ZFHX3: variants seen among roughly 807,000 people sequenced by gnomAD.
ZFHX3 encodes the protein zinc finger homeobox 3.
A neutral mutation model predicts 279.1 loss-of-function variants in ZFHX3; 42 were observed. The ratio of observed to expected loss-of-function variants is 0.15; its 90% confidence interval spans 0.12 to 0.19. The LOEUF (loss-of-function observed/expected upper bound fraction) is 0.19, where lower values mean the gene tolerates loss of function less well. Among genes scored for constraint, ZFHX3 ranks in the 10% least tolerant of loss-of-function variants. The pLI, the probability that ZFHX3 is intolerant of heterozygous loss-of-function variation, is 1.00. For missense variants in ZFHX3, 4,981 were observed against 4,754.0 expected (o/e 1.05, Z -1.40); for synonymous variants, 2,293 against 1,957.8 (o/e 1.17, Z -4.52).
Position 73,778,355 on chromosome 16 carries a change from C to T in ZFHX3, c.-1607-98115G>A, listed in dbSNP as rs2639322. Among the ~76,000 whole-genome samples the T allele has an allele frequency of 9.9e-3, 1,492 of 150,022 alleles. 27 individuals carry two copies. The highest frequency in any genetic ancestry group is 0.034 in the African/African-American group (1,378 of 40,818). On this transcript the variant is annotated intron_variant, in intron 1 of 17. Coordinates refer to the ZFHX3 transcript ENST00000641206. ...ATTTATTCATTTGATCACCAAGTGA[C>T]AAGTTAGAAAATTGCTCTGTGAGAT...
At chr16:73,528,065 T>C (rs912035790) in intron 2 of ZFHX3, among the ~76,000 whole-genome samples, 8 of 152,244 alleles carry the variant, frequency 5.3e-5, no homozygotes, top group African/African-American at 1.4e-4. Flanking sequence ...TGCAGAACAA[T>C]TCAACTGCTC....
intron 4 of ZFHX3, among the ~76,000 whole-genome samples, chr16:72,860,555 C>T (rs935557610): frequency 6.6e-6 from 1 of 152,104 alleles, no homozygotes; most frequent in Non-Finnish European, 1.5e-5. Context: ...CTCAGCCTCC[C>T]GAGGAGCTGG....
intron 7 of ZFHX3, among the ~76,000 whole-genome samples, chr16:72,800,367 A>C (rs916473902): frequency 2.6e-5 from 4 of 152,192 alleles, no homozygotes; most frequent in Admixed American, 1.3e-4. Context: ...TAATCTTCTT[A>C]TTAATATTTT....
Position 72,795,574 on chromosome 16 carries a change from C to A in ZFHX3, c.7108G>T (p.Asp2370Tyr). ...QDDSQNEDSM[D>Y]AMEILTPTSS... ...GTAGGCGTCAGGATTTCCATGGCAT[C>A]CATGGAATCCTCATTTTGGCTGTCG... The change falls in exon 9 of 10, where the codon GAT becomes TAT. Residue 2370 changes from aspartate (D) to tyrosine (Y), a missense_variant. By Grantham distance (160) the Asp-to-Tyr change is radical. Around this residue, in one of 7 missense-constraint regions of ZFHX3, gnomAD observed 744 missense variants for 701.3 expected, o/e 1.06. Coordinates refer to ENST00000268489, the MANE Select transcript of ZFHX3 (RefSeq NM_006885.4). 6.2e-7 allele frequency: 1 copy of A among 1,614,044 alleles called. No individual in the cohort carries two copies. The highest frequency in any genetic ancestry group is 8.5e-7 in the Non-Finnish European group (1 of 1,180,026).
chr16:73,846,643 A>C (rs1961455454), intron 1 of ZFHX3, among the ~76,000 whole-genome samples: 1 of 152,182 alleles, frequency 6.6e-6, no homozygotes, highest in Non-Finnish European at 1.5e-5. Context: ...AGTAAGCCAA[A>C]TGTCTCGGCG....
chr16:73,076,265 T>C (rs142767267), intron 8 of ZFHX3, among the ~76,000 whole-genome samples: 2 of 152,286 alleles, frequency 1.3e-5, no homozygotes, highest in East Asian at 3.9e-4. Context: ...TGTAAAAGTA[T>C]TGCATGAACT....
At chr16:73,605,710 A>T (rs1012943459) in intron 2 of ZFHX3, among the ~76,000 whole-genome samples, 3 of 152,128 alleles carry the variant, frequency 2.0e-5, no homozygotes, top group Admixed American at 2.0e-4. Flanking sequence ...GGCTGGAGAG[A>T]AAGAATGATG....
At chr16:73,316,557 C>A (rs753292480) in intron 4 of ZFHX3, among the ~76,000 whole-genome samples, 7 of 152,206 alleles carry the variant, frequency 4.6e-5, no homozygotes, top group Non-Finnish European at 8.8e-5. Context: ...TCTTTTCCAA[C>A]GGTTTCATGT....
intron 2 of ZFHX3, among the ~76,000 whole-genome samples, chr16:73,573,699 T>C (rs2051765750): frequency 6.6e-6 from 1 of 152,256 alleles, no homozygotes; most frequent in Non-Finnish European, 1.5e-5. Context: ...TATATAACTA[T>C]GATATTTTTA....
Position 72,925,388 on chromosome 16 carries a change from G to C in ZFHX3, c.3216+25081C>G, listed in dbSNP as rs1266574033. On this transcript the variant is annotated intron_variant, in intron 3 of 9. Coordinates refer to ENST00000268489, the MANE Select transcript of ZFHX3 (RefSeq NM_006885.4). ...CAAAGTTCAACACAAAGAACCTTGA[G>C]GTCCCTAACTCTGGAAAGGGCAAGA... Among the ~76,000 whole-genome samples, 3 of 152,324 alleles carry C rather than the reference G, an allele frequency of 2.0e-5. No individual in the cohort carries two copies. In the East Asian group the frequency reaches 5.8e-4, roughly 29 times the overall value.
intron 2 of ZFHX3, among the ~76,000 whole-genome samples, chr16:73,458,808 C>T (rs937625568): frequency 2.6e-5 from 4 of 152,138 alleles, no homozygotes; most frequent in African/African-American, 9.7e-5. Context: ...AACTCTTTTC[C>T]CTGTTTTAAA....
chr16:72,799,889 A>G lies in ZFHX3; in HGVS notation c.3967+138T>C, dbSNP rs181777917. The G allele has an allele frequency of 2.8e-4, 207 of 729,936 alleles. 3 individuals are homozygous for G. The Admixed American group carries it at 4.3e-3, about 15-fold the overall frequency. 45.2% of individuals were successfully genotyped at this position (729,936 alleles called of 1,614,324 possible). A position where few individuals can be genotyped will look rare whatever the true frequency, so the allele number is the denominator to read the frequency against. ...CAAGAAGCAGAGTATAAAGTAGCTG[A>G]TGACAGTGCCCCTCATCTCCTGATC... On this transcript the variant is annotated intron_variant, in intron 8 of 9. Transcript: ENST00000268489.
intron 2 of ZFHX3, among the ~76,000 whole-genome samples, chr16:73,509,581 G>A (rs183433217): frequency 6.9e-6 from 1 of 144,370 alleles, no homozygotes; most frequent in Non-Finnish European, 1.5e-5. Context: ...CTGGAGTGCA[G>A]TGGCACAATC....
Position 73,294,951 on chromosome 16 carries a change from C to T in ZFHX3, c.-1194+23289G>A, listed in dbSNP as rs546764147. 3.9e-5 allele frequency among the ~76,000 whole-genome samples: 6 copies of T among 152,200 alleles called. No homozygotes were observed. The East Asian group carries it at 7.8e-4, about 20-fold the overall frequency. On this transcript the variant is annotated intron_variant, in intron 4 of 17. Transcript: ENST00000641206. Reference sequence around the variant, plus strand: ...AGCCACGGCTGGGCGCGGTGACTCACGCCTGTAATCCCAGCACTTTCGGAG... The same window carrying T: ...AGCCACGGCTGGGCGCGGTGACTCATGCCTGTAATCCCAGCACTTTCGGAG...
At chr16:72,866,295 A>G (rs2038021995) in intron 4 of ZFHX3, among the ~76,000 whole-genome samples, 2 of 152,246 alleles carry the variant, frequency 1.3e-5, no homozygotes, top group South Asian at 4.1e-4. Context: ...CACTTTATGT[A>G]CATTCCCTCA....
intron 2 of ZFHX3, among the ~76,000 whole-genome samples, chr16:73,472,650 T>G (rs773957023): frequency 3.9e-5 from 6 of 152,238 alleles, no homozygotes; most frequent in African/African-American, 9.6e-5. Flanking sequence ...CTCTCCAGAC[T>G]GCATCACCTA....
At position 72,889,909 on chromosome 16, in the gene ZFHX3, G is replaced by A. The variant is rs142181641; in HGVS notation, c.3270C>T (p.Cys1090=). The A allele has an allele frequency of 4.5e-4, 720 of 1,614,150 alleles. 2 individuals are homozygous for A. Among genetic ancestry groups the A allele is most frequent in the Non-Finnish European group, 5.8e-4 (684 of 1,180,038 alleles). The change falls in exon 4 of 10, where the codon TGC becomes TGT. Residue 1090 remains cysteine, a synonymous_variant. Coordinates refer to ENST00000268489, the MANE Select transcript of ZFHX3 (RefSeq NM_006885.4). Reference sequence around the variant, plus strand: ...CCTTGGTGGAGTAGTTGCACAGAACGCAGTGGTAGTAGCAGCTCTCACCTT... The same window carrying A: ...CCTTGGTGGAGTAGTTGCACAGAACACAGTGGTAGTAGCAGCTCTCACCTT... The part of the protein sequence containing the change: ...GVEGESCYYH[C]VLCNYSTKAK...
rs140782253 is a variant in ZFHX3 at position 72,991,487 on chromosome 16, T to A, written c.-49-31293A>T. Among the ~76,000 whole-genome samples, 58 of 152,332 alleles carry A rather than the reference T, an allele frequency of 3.8e-4. No individual in the cohort carries two copies. In the East Asian group the frequency reaches 0.01, roughly 26 times the overall value. ...TTGCTACAGACTTTGGGCCTCAAGT[T>A]CATCACTCATATGATGGGTGTAGGA... On this transcript the variant is annotated intron_variant, in intron 1 of 9. Coordinates refer to ENST00000268489, the MANE Select transcript of ZFHX3 (RefSeq NM_006885.4).
chr16:73,179,270 G>A (rs1967736823), intron 5 of ZFHX3, among the ~76,000 whole-genome samples: 1 of 152,136 alleles, frequency 6.6e-6, no homozygotes, highest in African/African-American at 2.4e-5. Flanking sequence ...TCTAGATCCT[G>A]TCCTCTGACA....
Sources: allele counts gnomAD v4.1 joint callset (sites outside exome capture counted in the v4.1 genomes callset), GRCh38; gene constraint gnomAD v4.1.1; regional missense constraint gnomAD v4.1.1; transcripts MANE v1.5; gene names NCBI Gene and HGNC (gene_info 2026-07-23, HGNC 2026-07-21).